Variants in SHISA9 observed in about 807,000 individuals in gnomAD.
The protein encoded by SHISA9 is protein shisa-9.
In SHISA9, 13 loss-of-function variants were observed where a neutral mutation model predicts 38.0. The observed-to-expected ratio is 0.34, with a 90% CI of 0.22 to 0.54. The LOEUF is 0.54. Among genes scored for constraint, SHISA9 ranks in the 20% least tolerant of loss-of-function variants. SHISA9 has a pLI of 0.91. For synonymous variants in SHISA9, 275 were observed against 242.0 expected (o/e 1.14, Z -1.27); for missense variants, 538 against 575.8 (o/e 0.93, Z 0.67).
At chr16:13,495,172 G>C in the SHISA9 span, among the ~76,000 whole-genome samples, 3 of 152,102 alleles carry the variant, frequency 2.0e-5, no homozygotes, top group Admixed American at 6.5e-5. Context: ...CTCTATATGG[G>C]ATAAAATTGC....
chr16:13,242,115 T>C (rs2051439785), downstream of SHISA9, among the ~76,000 whole-genome samples: 2 of 152,260 alleles, frequency 1.3e-5, no homozygotes, highest in Non-Finnish European at 2.9e-5. Context: ...GGTACTATTA[T>C]GCTTTGGAGA....
intron 1 of SHISA9, among the ~76,000 whole-genome samples, chr16:12,908,075 AG>A (rs2141709384): frequency 6.6e-6 from 1 of 152,284 alleles, no homozygotes; most frequent in South Asian, 2.1e-4. Flanking sequence ...TGTTGTCTGC[AG>A]GTGGAGGATT....
chr16:13,440,948 A>T, the SHISA9 span, among the ~76,000 whole-genome samples: 2 of 152,004 alleles, frequency 1.3e-5, no homozygotes, highest in African/African-American at 4.8e-5. Context: ...AAAGTCATTG[A>T]TATATTCCAG....
the SHISA9 span, among the ~76,000 whole-genome samples, chr16:13,484,779 G>C: frequency 6.6e-6 from 1 of 152,120 alleles, no homozygotes; most frequent in Non-Finnish European, 1.5e-5. Flanking sequence ...GAAGCGTGGG[G>C]AAGAGTTGCT....
chr16:12,917,012 C>T (rs747604117), intron 2 of SHISA9, among the ~76,000 whole-genome samples, 197 bp downstream of exon 2: 13 of 152,110 alleles, frequency 8.5e-5, no homozygotes, highest in African/African-American at 2.7e-4. Flanking sequence ...TGTTAAATGG[C>T]GATCCACTTG....
chr16:13,256,338 A>G, the SHISA9 span, among the ~76,000 whole-genome samples: 4 of 152,134 alleles, frequency 2.6e-5, no homozygotes, highest in Admixed American at 1.3e-4. Flanking sequence ...CTGGAGTGCA[A>G]TGGTGCCACC....
At chr16:12,958,193 G>A (rs4781361) in intron 2 of SHISA9, among the ~76,000 whole-genome samples, 28,283 of 152,228 alleles carry the variant, frequency 0.19, 3,235 homozygotes, top group Middle Eastern at 0.31. Flanking sequence ...TTGCAAAACC[G>A]TTATCATCTG....
the SHISA9 span, among the ~76,000 whole-genome samples, chr16:13,438,564 C>T: frequency 1.3e-5 from 2 of 152,100 alleles, no homozygotes; most frequent in African/African-American, 4.8e-5. Context: ...GAGAAAATGT[C>T]CTTACAGAAA....
chr16:13,150,819 A>G (rs1470925392), intron 2 of SHISA9, among the ~76,000 whole-genome samples: 5 of 152,224 alleles, frequency 3.3e-5, no homozygotes, highest in African/African-American at 1.2e-4. Flanking sequence ...ACCATGGAAG[A>G]AACCCCAGGT....
chr16:13,062,255 C>T (rs1350236218), intron 2 of SHISA9, among the ~76,000 whole-genome samples: 1 of 151,990 alleles, frequency 6.6e-6, no homozygotes, highest in Admixed American at 6.6e-5. Flanking sequence ...TCTCTAGTTG[C>T]CAAATCTGGT....
the SHISA9 span, among the ~76,000 whole-genome samples, chr16:13,340,978 A>G: frequency 6.6e-6 from 1 of 152,076 alleles, no homozygotes; most frequent in Non-Finnish European, 1.5e-5. Flanking sequence ...GTGGGTTTTC[A>G]TTGCACTGTG....
chr16:13,121,703 G>A (rs1446213039), intron 2 of SHISA9, among the ~76,000 whole-genome samples: 1 of 152,000 alleles, frequency 6.6e-6, no homozygotes, highest in Non-Finnish European at 1.5e-5. Flanking sequence ...CTAACTCCGT[G>A]GGGATGGGGG....
the SHISA9 span, among the ~76,000 whole-genome samples, chr16:13,376,650 G>A: frequency 6.6e-6 from 1 of 152,090 alleles, no homozygotes; most frequent in Admixed American, 6.5e-5. Context: ...CAGGGGTGGA[G>A]CTGAAAGAAC....
intron 2 of SHISA9, among the ~76,000 whole-genome samples, chr16:13,089,587 A>G (rs2073752056): frequency 6.6e-6 from 1 of 152,180 alleles, no homozygotes; most frequent in Non-Finnish European, 1.5e-5. Context: ...GTTTATTTGC[A>G]TAGAGATGTT....
the SHISA9 span, among the ~76,000 whole-genome samples, chr16:13,414,584 C>A: frequency 1.3e-5 from 2 of 151,532 alleles, no homozygotes; most frequent in African/African-American, 4.9e-5. Context: ...CATGTAGGGG[C>A]TCAAAACAAA....
chr16:13,549,789 C>G, the SHISA9 span, among the ~76,000 whole-genome samples: 2 of 152,004 alleles, frequency 1.3e-5, no homozygotes, highest in Admixed American at 6.6e-5. Flanking sequence ...CTTTGGGCAG[C>G]CGAGGTGGGC....
At chr16:13,445,169 G>T in the SHISA9 span, among the ~76,000 whole-genome samples, 1 of 151,700 alleles carries the variant, frequency 6.6e-6, no homozygotes, top group Admixed American at 6.6e-5. Context: ...GCCTGGAAAA[G>T]ATTTCTTTTT....
intron 2 of SHISA9, among the ~76,000 whole-genome samples, chr16:13,114,806 A>G (rs543311993): frequency 2.6e-5 from 4 of 152,124 alleles, no homozygotes; most frequent in South Asian, 4.1e-4. Context: ...ATTTTATTAT[A>G]TTTTAAATTT....
chr16:13,342,611 A>T, the SHISA9 span, among the ~76,000 whole-genome samples: 11 of 152,136 alleles, frequency 7.2e-5, no homozygotes, highest in Admixed American at 7.2e-4. Context: ...TGGCTACAAG[A>T]TCCTTTGATC....
Sources: gnomAD v4.1 joint callset for allele counts (sites outside exome capture counted in the v4.1 genomes callset) on GRCh38, gnomAD v4.1.1 for gene constraint, MANE v1.5 for transcripts, NCBI Gene and HGNC (gene_info 2026-07-23, HGNC 2026-07-21) for gene names.